The following BCL7C variants were observed in gnomAD, a reference collection of about 807,000 sequenced individuals.
The protein encoded by BCL7C is BAF chromatin remodeling complex subunit BCL7C, also known as B-cell CLL/lymphoma 7 protein family member C.
BCL7C carries 8 observed loss-of-function variants against 26.2 expected under a neutral mutation model. The observed-to-expected ratio is 0.30, with a 90% CI of 0.18 to 0.55. The LOEUF is 0.55. Ranked by LOEUF, BCL7C falls within the 20% of genes least tolerant of loss-of-function variation. The pLI is 0.93. For missense variants in BCL7C, 262 were observed against 298.5 expected (o/e 0.88, Z 0.90); for synonymous variants, 90 against 116.5 (o/e 0.77, Z 1.47).
At chr16:30,865,546 C>A (rs1309786929) in intron 5 of BCL7C, among the ~76,000 whole-genome samples, 2 of 151,838 alleles carry the variant, frequency 1.3e-5, no homozygotes, top group Non-Finnish European at 2.9e-5. Flanking sequence ...CCACTGCAGT[C>A]CAGCCCAGGT....
At chr16:30,860,668 G>A (rs1408890815) in intron 5 of BCL7C, among the ~76,000 whole-genome samples, 3 of 152,084 alleles carry the variant, frequency 2.0e-5, no homozygotes, top group Non-Finnish European at 4.4e-5. Context: ...TGGGCAAATG[G>A]TCTGAGGTGG....
At chr16:30,853,351 C>T (rs545557010) in intron 5 of BCL7C, among the ~76,000 whole-genome samples, 18 of 152,300 alleles carry the variant, frequency 1.2e-4, no homozygotes, top group African/African-American at 3.8e-4. Flanking sequence ...TCAAGATCAT[C>T]GAGATCACTG....
intron 5 of BCL7C, chr16:30,875,327 C>G (rs1473540375): frequency 2.0e-5 from 3 of 153,576 alleles, no homozygotes; most frequent in South Asian, 2.1e-4. Context: ...TGAGGTTGCC[C>G]GAGGTCTCAG....
chr16:30,875,437 C>T (rs1308880097), intron 5 of BCL7C: 1 of 152,470 alleles, frequency 6.6e-6, no homozygotes, highest in Non-Finnish European at 1.5e-5. Flanking sequence ...TGGCCTTAAC[C>T]CTTCCCAAGG....
intron 5 of BCL7C, among the ~76,000 whole-genome samples, chr16:30,850,159 G>A (rs1196118371): frequency 2.7e-5 from 4 of 146,468 alleles, no homozygotes; most frequent in South Asian, 2.1e-4. Flanking sequence ...GCAGTGAGCC[G>A]AGATCGCATC....
intron 5 of BCL7C, among the ~76,000 whole-genome samples, chr16:30,864,998 C>A (rs1357369671): frequency 2.6e-5 from 4 of 151,740 alleles, no homozygotes; most frequent in Non-Finnish European, 5.9e-5. Context: ...GAAACCCCAT[C>A]TCTACTAAAA....
chr16:30,878,813 A>T (rs978078455), intron 5 of BCL7C, among the ~76,000 whole-genome samples: 1 of 151,918 alleles, frequency 6.6e-6, no homozygotes, highest in Non-Finnish European at 1.5e-5. Context: ...ACTGCACTCC[A>T]GCCTGGGTGA....
chr16:30,893,795 C>A lies in BCL7C; in HGVS notation c.92+58G>T. On this transcript the variant is annotated intron_variant, in intron 1 of 5. Coordinates refer to ENST00000215115, the MANE Select transcript of BCL7C (RefSeq NM_004765.4). The surrounding 1 kb of genome is among the most constrained non-coding windows in gnomAD (Gnocchi z 5.2). The stretch of plus-strand genomic sequence containing the variant: ...CCAGAGCTGGCGAGGGCAGCGTAGA[C>A]GCCTTTGGTGCTGGTGGTCCCGCTG... 1 of 1,503,304 alleles carries A rather than the reference C, an allele frequency of 6.7e-7. No homozygotes were observed. Among genetic ancestry groups the A allele is most frequent in the Non-Finnish European group, 9.1e-7 (1 of 1,095,616 alleles). The allele number at this position is 1,503,304 out of a possible 1,614,324, so 93.1% of individuals were successfully genotyped here.
At chr16:30,854,255 T>C (rs375255326) in intron 5 of BCL7C, among the ~76,000 whole-genome samples, 3 of 152,214 alleles carry the variant, frequency 2.0e-5, no homozygotes, top group African/African-American at 7.2e-5. Context: ...TTATCAACAA[T>C]AAGCAAAATC....
intron 5 of BCL7C, among the ~76,000 whole-genome samples, chr16:30,839,216 G>A (rs1164331353): frequency 2.6e-5 from 4 of 152,190 alleles, no homozygotes; most frequent in African/African-American, 9.7e-5. Flanking sequence ...TGAATGAGCC[G>A]AAGAGCTGAC....
intron 5 of BCL7C, among the ~76,000 whole-genome samples, chr16:30,840,183 G>C (rs1470398614): frequency 6.6e-6 from 1 of 150,770 alleles, no homozygotes; most frequent in Non-Finnish European, 1.5e-5. Context: ...TAAGAACTTA[G>C]GTTCTGTTCT....
At chr16:30,850,362 ATTTATC>A (rs1336744995) in intron 5 of BCL7C, among the ~76,000 whole-genome samples, 1 of 152,122 alleles carries the variant, frequency 6.6e-6, no homozygotes, top group Admixed American at 6.6e-5. Context: ...CTTACAAACT[ATTTATC>A]TTTGAGTATA....
downstream of BCL7C, among the ~76,000 whole-genome samples, chr16:30,884,939 A>G (rs1441024577): frequency 1.3e-5 from 2 of 152,164 alleles, no homozygotes; most frequent in East Asian, 3.8e-4. Flanking sequence ...CCACTAACCC[A>G]CACAAGGGAC....
At chr16:30,886,785 GCAT>G (rs777510741), downstream of BCL7C, among the ~76,000 whole-genome samples, 11 of 152,312 alleles carry the variant, frequency 7.2e-5, no homozygotes, top group Non-Finnish European at 1.2e-4. Flanking sequence ...GTGTGGCCAG[GCAT>G]CCCAGGTGGA....
intron 5 of BCL7C, among the ~76,000 whole-genome samples, chr16:30,882,238 A>G (rs994902659): frequency 6.6e-6 from 1 of 152,054 alleles, no homozygotes; most frequent in African/African-American, 2.4e-5. Flanking sequence ...GCTAGCCACC[A>G]CGCCCGGCCA....
At chr16:30,842,180 T>C (rs1000512447) in intron 5 of BCL7C, among the ~76,000 whole-genome samples, 1 of 152,118 alleles carries the variant, frequency 6.6e-6, no homozygotes, top group African/African-American at 2.4e-5. Flanking sequence ...AGAGGAAATT[T>C]AGACACAGAC....
intron 5 of BCL7C, among the ~76,000 whole-genome samples, chr16:30,854,884 G>C (rs1342921209): frequency 6.6e-6 from 1 of 151,962 alleles, no homozygotes. Flanking sequence ...TTTTAGTAGA[G>C]ACAGGGTTTC....
intron 5 of BCL7C, among the ~76,000 whole-genome samples, chr16:30,865,921 C>G (rs2054822497): frequency 6.8e-6 from 1 of 146,240 alleles, no homozygotes; most frequent in Non-Finnish European, 1.5e-5. Flanking sequence ...TTTTAGTAGA[C>G]ACAGCGTTTC....
downstream of BCL7C, among the ~76,000 whole-genome samples, chr16:30,885,851 C>T (rs1476982165): frequency 2.0e-5 from 3 of 152,180 alleles, no homozygotes; most frequent in Non-Finnish European, 4.4e-5. Flanking sequence ...AGCATCCTTA[C>T]ATTTCCTTTG....
Sources: allele counts gnomAD v4.1 joint callset (sites outside exome capture counted in the v4.1 genomes callset), GRCh38; gene constraint gnomAD v4.1.1; non-coding constraint Gnocchi (gnomAD v3.1); transcripts MANE v1.5; gene names NCBI Gene and HGNC (gene_info 2026-07-23, HGNC 2026-07-21).